Variants in PCCA observed in about 807,000 individuals in gnomAD.
PCCA encodes the protein propionyl-CoA carboxylase alpha chain, mitochondrial.
PCCA carries 74 observed loss-of-function variants against 101.3 expected under a neutral mutation model. The ratio of observed to expected loss-of-function variants is 0.73; its 90% CI spans 0.61 to 0.89. PCCA has a LOEUF of 0.89. PCCA is among the 40% of genes least tolerant of loss of function. PCCA has a pLI of 0.00. For missense variants in PCCA, 891 were observed against 907.0 expected (o/e 0.98, Z 0.23); for synonymous variants, 294 against 313.6 (o/e 0.94, Z 0.66).
At chr13:100,092,340 A>T (rs537450112) in intron 1 of PCCA, among the ~76,000 whole-genome samples, 93 of 152,010 alleles carry the variant, frequency 6.1e-4, no homozygotes, top group African/African-American at 2.2e-3. Context: ...CTGAAGTAGA[A>T]TTTGAACCTT....
chr13:100,151,067 A>G (rs150333900), intron 4 of PCCA: 33,727 of 1,552,044 alleles, frequency 0.022, 498 homozygotes, highest in Middle Eastern at 0.043. Flanking sequence ...CTTTCTCCGT[A>G]GCTCCTGGAT....
At chr13:100,235,318 T>C (rs1368673058) in intron 7 of PCCA, among the ~76,000 whole-genome samples, 6 of 149,570 alleles carry the variant, frequency 4.0e-5, no homozygotes, top group Non-Finnish European at 8.9e-5. Context: ...AAAGAAAAGG[T>C]AATGCAGATT....
chr13:100,118,542 A>T (rs1480135054), intron 4 of PCCA, among the ~76,000 whole-genome samples: 1 of 151,924 alleles, frequency 6.6e-6, no homozygotes, highest in East Asian at 1.9e-4. Context: ...TTCATAAGTG[A>T]TGTTCTTTCT....
chr13:100,154,973 C>A lies in PCCA; in HGVS notation c.301-6C>A. 1 of 1,606,250 alleles carries A rather than the reference C, an allele frequency of 6.2e-7. No individual in the cohort carries two copies. Among genetic ancestry groups the A allele is most frequent in the Non-Finnish European group, 8.5e-7 (1 of 1,172,876 alleles). On this transcript the variant is annotated splice_region_variant and splice_polypyrimidine_tract_variant and intron_variant, in intron 4 of 23. Transcript: ENST00000376285. ...CATCTGTTAATGCAGAAATTTGTCT[C>A]CTCAGGTTCATGTGAAAATGGCGGA...
chr13:100,425,854 T>C, intron 20 of PCCA, 123 bp downstream of exon 20: 1 of 705,830 alleles, frequency 1.4e-6, no homozygotes, highest in Non-Finnish European at 2.5e-6. Flanking sequence ...TTATACTTTT[T>C]ACAGTCGAAA....
chr13:100,428,309 C>T (rs2079298830), intron 20 of PCCA, among the ~76,000 whole-genome samples: 1 of 148,684 alleles, frequency 6.7e-6, no homozygotes, highest in Non-Finnish European at 1.5e-5. Context: ...CTCAAGCAAC[C>T]CTGCCTCCTC....
At chr13:100,446,060 AAC>A (rs1205272634) in intron 20 of PCCA, among the ~76,000 whole-genome samples, 1 of 151,838 alleles carries the variant, frequency 6.6e-6, no homozygotes, top group African/African-American at 2.4e-5. Flanking sequence ...GTTTTTTTGA[AAC>A]AGAGTCACGC....
intron 19 of PCCA, among the ~76,000 whole-genome samples, chr13:100,411,078 C>T (rs1184251591): frequency 1.3e-5 from 2 of 151,926 alleles, no homozygotes; most frequent in Admixed American, 6.6e-5. Context: ...TCAGAGGTAT[C>T]AATGTGAAGT....
At chr13:100,167,938 TG>T (rs764844035) in intron 6 of PCCA, among the ~76,000 whole-genome samples, 2 of 152,132 alleles carry the variant, frequency 1.3e-5, no homozygotes, top group Non-Finnish European at 2.9e-5. Flanking sequence ...GGCTAGATAA[TG>T]AACTCTTAAA....
At chr13:100,172,901 C>T (rs1038245488) in intron 6 of PCCA, among the ~76,000 whole-genome samples, 7 of 152,258 alleles carry the variant, frequency 4.6e-5, no homozygotes, top group East Asian at 1.9e-4. Context: ...ATTTGAACCC[C>T]GTCATTACCA....
At chr13:100,232,393 G>GTGTGTGTGTGTGTGT (rs2060549762) in intron 7 of PCCA, among the ~76,000 whole-genome samples, 1 of 58,914 alleles carries the variant, frequency 1.7e-5, no homozygotes, top group Non-Finnish European at 3.9e-5. Flanking sequence ...TGTGTGTGTG[G>GTGTGTGTGTGTGTGT]TTTTAGAGAC....
intron 4 of PCCA, among the ~76,000 whole-genome samples, chr13:100,121,962 C>T (rs1282067463): frequency 6.6e-6 from 1 of 152,106 alleles, no homozygotes; most frequent in Non-Finnish European, 1.5e-5. Context: ...AGCATTTCAC[C>T]CTTAAATTTG....
rs137894675 is a variant in PCCA at position 100,442,957 on chromosome 13, C to G, written c.1846-6295C>G. 2.3e-3 allele frequency among the ~76,000 whole-genome samples: 351 copies of G among 152,232 alleles called. 1 individual carries two copies. The highest frequency in any genetic ancestry group is 8.0e-3 in the African/African-American group (334 of 41,536). Reference sequence around the variant, plus strand: ...GTTGGGGAGAGTGGAACGAGGAAGACAGAACCAGATCATCTAGGGGCCAAA... The same window carrying G: ...GTTGGGGAGAGTGGAACGAGGAAGAGAGAACCAGATCATCTAGGGGCCAAA... On this transcript the variant is annotated intron_variant, in intron 20 of 23. Transcript: ENST00000376285.
At chr13:100,111,363 G>A (rs759042230) in intron 2 of PCCA, among the ~76,000 whole-genome samples, 16 of 148,430 alleles carry the variant, frequency 1.1e-4, no homozygotes, top group Admixed American at 6.7e-5. Context: ...GGGTTTTACC[G>A]TGTTGGTCAG....
At chr13:100,311,759 G>A (rs754045474) in intron 16 of PCCA, among the ~76,000 whole-genome samples, 1 of 152,138 alleles carries the variant, frequency 6.6e-6, no homozygotes, top group Non-Finnish European at 1.5e-5. Flanking sequence ...GACAGTGTAA[G>A]ACTCTGTCTC....
At chr13:100,454,030 C>T (rs2081535522) in intron 21 of PCCA, among the ~76,000 whole-genome samples, 1 of 152,004 alleles carries the variant, frequency 6.6e-6, no homozygotes, top group African/African-American at 2.4e-5. Flanking sequence ...GCCACTACAC[C>T]CGGCTAATTT....
intron 19 of PCCA, among the ~76,000 whole-genome samples, chr13:100,398,375 G>A (rs911322356): frequency 6.6e-6 from 1 of 152,118 alleles, no homozygotes; most frequent in Non-Finnish European, 1.5e-5. Flanking sequence ...TTCATTCTTG[G>A]TTGAGTATAG....
At chr13:100,446,763 A>T (rs2080862607) in intron 20 of PCCA, among the ~76,000 whole-genome samples, 1 of 152,252 alleles carries the variant, frequency 6.6e-6, no homozygotes, top group Non-Finnish European at 1.5e-5. Flanking sequence ...CAGATAAGTG[A>T]AAACGAGAGT....
intron 18 of PCCA, among the ~76,000 whole-genome samples, chr13:100,359,053 T>C (rs2074261937): frequency 7.3e-6 from 1 of 137,340 alleles, no homozygotes. Context: ...TGAGCTGAGA[T>C]CGTGCCACTG....
Sources: gnomAD v4.1 joint callset for allele counts (sites outside exome capture counted in the v4.1 genomes callset) on GRCh38, gnomAD v4.1.1 for gene constraint, MANE v1.5 for transcripts, NCBI Gene and HGNC (gene_info 2026-07-23, HGNC 2026-07-21) for gene names.